Variants in SLC7A10 observed in about 807,000 individuals in gnomAD.
SLC7A10 encodes solute carrier family 7 member 10.
Under a neutral mutation model 52.7 loss-of-function variants are expected in SLC7A10, and 30 were observed. The ratio of observed to expected loss-of-function variants is 0.57; its 90% CI spans 0.43 to 0.77. The LOEUF (loss-of-function observed/expected upper bound fraction) is 0.77. SLC7A10 is among the 30% of genes least tolerant of loss of function. SLC7A10 has a pLI of 0.00. For missense variants in SLC7A10, 581 were observed against 698.5 expected (o/e 0.83, Z 1.90); for synonymous variants, 318 against 314.9 (o/e 1.01, Z -0.10).
rs1192520000 is a variant in SLC7A10 at position 33,222,286 on chromosome 19, G to A, written c.151+3267C>T. Among the ~76,000 whole-genome samples, 5 of 151,836 alleles carry A rather than the reference G, an allele frequency of 3.3e-5. No homozygotes were observed. In the East Asian group the frequency reaches 5.8e-4, roughly 18 times the overall value. ...TGGTGGCGGGCACCTGTGGTTCCAG[G>A]TGTTTGGAAGGCTGAGGTGGGAGGA... On this transcript the variant is annotated intron_variant, in intron 1 of 10. Transcript: ENST00000253188.
intron 9 of SLC7A10, 56 bp from the exon 10 acceptor site, chr19:33,209,541 C>A: frequency 1.9e-6 from 3 of 1,575,636 alleles, no homozygotes; most frequent in Non-Finnish European, 1.7e-6. Context: ...TGTCTGTACC[C>A]CCGACCCCTG....
rs557602664 is a variant in SLC7A10, at chr19:33,225,535, C to A, written c.151+18G>T. 2 of 1,595,572 alleles carry A rather than the reference C, an allele frequency of 1.3e-6. No individual in the cohort carries two copies. The highest frequency in any genetic ancestry group is 1.7e-6 in the Non-Finnish European group (2 of 1,178,914). ...ATTCGGCCTCCGCCCGGCGCCCGCC[C>A]GCCTGGGTCCCGCTCACCGATGATG... On this transcript the variant is annotated intron_variant, in intron 1 of 10. Transcript: ENST00000253188.
intron 1 of SLC7A10, among the ~76,000 whole-genome samples, chr19:33,219,591 C>A (rs1281246393): frequency 2.0e-5 from 3 of 152,254 alleles, no homozygotes; most frequent in South Asian, 4.1e-4. Flanking sequence ...GCCCCAGTTT[C>A]CCCATCTGCC....
chr19:33,210,419 G>C lies in SLC7A10; in HGVS notation c.1263+48C>G, dbSNP rs748930071. 3 of 1,542,568 alleles carry C rather than the reference G, an allele frequency of 1.9e-6. No individual in the cohort carries two copies. Among genetic ancestry groups the C allele is most frequent in the Non-Finnish European group, 2.6e-6 (3 of 1,150,022 alleles). On this transcript the variant is annotated intron_variant, in intron 9 of 10. Coordinates refer to ENST00000253188, the MANE Select transcript of SLC7A10 (RefSeq NM_019849.3). The surrounding 1 kb of genome is among the most constrained non-coding windows in gnomAD (Gnocchi z 5.6). ...CCTGGTGCCCACTGTGGATGCAGGG[G>C]TGGCTCTGGCAGCACCCGGCACAGG...
intron 1 of SLC7A10, among the ~76,000 whole-genome samples, chr19:33,222,136 C>T (rs1378918772): frequency 1.3e-5 from 2 of 152,122 alleles, no homozygotes; most frequent in African/African-American, 2.4e-5. Context: ...TGATGGCTCC[C>T]GCCTGTAACC....
Position 33,222,284 on chromosome 19 carries a change from A to G in SLC7A10, c.151+3269T>C, listed in dbSNP as rs573342340. Among the ~76,000 whole-genome samples, 555 of 152,116 alleles carry G rather than the reference A, an allele frequency of 3.6e-3. 7 individuals are homozygous for G. The highest frequency in any genetic ancestry group is 0.027 in the Middle Eastern group (8 of 292). ...TGTGGTGGCGGGCACCTGTGGTTCC[A>G]GGTGTTTGGAAGGCTGAGGTGGGAG... On this transcript the variant is annotated intron_variant, in intron 1 of 10. Transcript: ENST00000253188.
intron 1 of SLC7A10, among the ~76,000 whole-genome samples, chr19:33,218,288 T>C (rs1974732791): frequency 6.6e-6 from 1 of 152,138 alleles, no homozygotes; most frequent in Non-Finnish European, 1.5e-5. Context: ...AAGACTCAGA[T>C]ACTGGGCTTG....
At position 33,210,821 on chromosome 19, in the gene SLC7A10, A is replaced by T; in HGVS notation, c.1094T>A (p.Ile365Asn). The change falls in exon 8 of 11, where the codon ATC becomes AAC. Residue 365 changes from isoleucine (I) to asparagine (N), a missense_variant. By Grantham distance (149) the Ile-to-Asn change is moderately radical. Coordinates refer to ENST00000253188, the MANE Select transcript of SLC7A10 (RefSeq NM_019849.3). The surrounding 1 kb of genome is among the most constrained non-coding windows in gnomAD (Gnocchi z 5.6). ...AMIHVRHCTPIPALLVCCGAT... is the reference protein window; with the variant it reads ...AMIHVRHCTPNPALLVCCGAT... Reference sequence around the variant, plus strand: ...ACTTACACAGACGAGGAGGGCGGGGATGGGGGTGCAGTGTCTGACGTGGAT... The same window carrying T: ...ACTTACACAGACGAGGAGGGCGGGGTTGGGGGTGCAGTGTCTGACGTGGAT... 1 of 1,613,422 alleles carries T rather than the reference A, an allele frequency of 6.2e-7. No homozygotes were observed. The highest frequency in any genetic ancestry group is 8.5e-7 in the Non-Finnish European group (1 of 1,179,992).
At position 33,209,376 on chromosome 19, in the gene SLC7A10, G is replaced by GT. The variant is rs750357075; in HGVS notation, c.1372dup (p.Thr458AsnfsTer71). 8.1e-6 allele frequency: 13 copies of GT among 1,613,974 alleles called. No individual in the cohort carries two copies. The South Asian group carries it at 1.4e-4, about 18-fold the overall frequency. On this transcript the variant is annotated frameshift_variant, in exon 10 of 11. Coordinates refer to ENST00000253188, the MANE Select transcript of SLC7A10 (RefSeq NM_019849.3). LOFTEE classifies it high-confidence loss of function. Reference sequence around the variant, plus strand: ...TCCCAGAAAGAAAATGGGCACCCCCGTAAGGATGATGATGACGCCGACCCC... The same window carrying GT: ...TCCCAGAAAGAAAATGGGCACCCCCGTTAAGGATGATGATGACGCCGACCCC...
At chr19:33,209,810 T>C (rs936166947) in intron 9 of SLC7A10, among the ~76,000 whole-genome samples, 3 of 152,210 alleles carry the variant, frequency 2.0e-5, no homozygotes, top group African/African-American at 4.8e-5. Flanking sequence ...TGAGCACTTC[T>C]CCACTTAAGG....
At chr19:33,209,149 T>G in intron 10 of SLC7A10, 128 bp from the exon 11 acceptor site, 2 of 1,539,006 alleles carry the variant, frequency 1.3e-6, no homozygotes, top group Non-Finnish European at 8.9e-7. Flanking sequence ...TTCTGGAAAC[T>G]TTGGGTACAT....
At chr19:33,213,532 C>G (rs900210323) in intron 2 of SLC7A10, among the ~76,000 whole-genome samples, 3 of 152,190 alleles carry the variant, frequency 2.0e-5, no homozygotes, top group Non-Finnish European at 4.4e-5. Flanking sequence ...TCGTGATCCA[C>G]CCGCCTCGGC....
chr19:33,225,797 C>G lies in SLC7A10; in HGVS notation c.-94G>C, dbSNP rs1306583808. 4 of 1,316,102 alleles carry G rather than the reference C, an allele frequency of 3.0e-6. No homozygotes were observed. The highest frequency in any genetic ancestry group is 3.9e-6 in the Non-Finnish European group (4 of 1,026,862). 81.5% of individuals were successfully genotyped at this position (1,316,102 alleles called of 1,614,324 possible). On this transcript the variant is annotated 5_prime_UTR_variant, in exon 1 of 11. Coordinates refer to ENST00000253188, the MANE Select transcript of SLC7A10 (RefSeq NM_019849.3). ...TCGGTCCGTGAGCTCACGGCCCTCG[C>G]AGCCGGGACAGCGCCCACAGGCGGG...
chr19:33,216,719 C>T (rs746023878), intron 1 of SLC7A10, among the ~76,000 whole-genome samples: 1 of 152,136 alleles, frequency 6.6e-6, no homozygotes, highest in Non-Finnish European at 1.5e-5. Context: ...GAATTACAGG[C>T]ATGAGCCACC....
chr19:33,225,783 G>C lies in SLC7A10; in HGVS notation c.-80C>G, dbSNP rs1307344095. 2.2e-6 allele frequency: 3 copies of C among 1,380,554 alleles called. No individual in the cohort carries two copies. Among genetic ancestry groups the C allele is most frequent in the Non-Finnish European group, 2.8e-6 (3 of 1,067,094 alleles). The allele number at this position is 1,380,554 out of a possible 1,614,324, so 85.5% of individuals were successfully genotyped here. A position where few individuals can be genotyped will look rare whatever the true frequency, so the allele number is the denominator to read the frequency against. ...CGCCCGTCGGTCCGTCGGTCCGTGA[G>C]CTCACGGCCCTCGCAGCCGGGACAG... is the stretch of plus-strand genomic sequence containing the variant. On this transcript the variant is annotated 5_prime_UTR_variant, in exon 1 of 11. Transcript: ENST00000253188.
chr19:33,208,782 CT>C lies in SLC7A10; in HGVS notation c.*108del. ...TTAAACAGGCTTCTGAGAGTCGTATCTTTTTTCTTTTTTTTCCAGAAAAAAA... is the reference window on the plus strand; with the variant it reads ...TTAAACAGGCTTCTGAGAGTCGTATCTTTTTCTTTTTTTTCCAGAAAAAAA... On this transcript the variant is annotated 3_prime_UTR_variant, in exon 11 of 11. Coordinates refer to ENST00000253188, the MANE Select transcript of SLC7A10 (RefSeq NM_019849.3). The surrounding 1 kb of genome is among the most constrained non-coding windows in gnomAD (Gnocchi z 4.7). 6.8e-7 allele frequency: 1 copy of C among 1,478,592 alleles called. No homozygotes were observed. Among genetic ancestry groups the C allele is most frequent in the African/African-American group, 1.4e-5 (1 of 72,072 alleles). 91.6% of individuals were successfully genotyped at this position (1,478,592 alleles called of 1,614,324 possible).
At chr19:33,219,403 G>A (rs1229355706) in intron 1 of SLC7A10, among the ~76,000 whole-genome samples, 1 of 152,226 alleles carries the variant, frequency 6.6e-6, no homozygotes, top group African/African-American at 2.4e-5. Flanking sequence ...TCACAGGGGC[G>A]GCCCACGGAG....
rs144027485 is a variant in SLC7A10, at chr19:33,212,924, G to C, written c.435C>G (p.Tyr145Ter). ...LAVISMTFSN[Y>*]VLQPVFPNCI... ...AGTTGGGGAACACGGGCTGCAGCAC[G>C]TAGTTGGAGAAGGTCATGGAGATGA... The change falls in exon 3 of 11, where the codon TAC (tyrosine) becomes TAG (stop). Residue 145 changes from tyrosine to a stop codon, truncating the protein, a stop_gained. Coordinates refer to ENST00000253188, the MANE Select transcript of SLC7A10 (RefSeq NM_019849.3). LOFTEE classifies it high-confidence loss of function. 1.9e-6 allele frequency: 3 copies of C among 1,614,210 alleles called. No homozygotes were observed. The highest frequency in any genetic ancestry group is 2.5e-6 in the Non-Finnish European group (3 of 1,180,032).
chr19:33,217,172 C>T (rs573671245), intron 1 of SLC7A10, among the ~76,000 whole-genome samples: 5 of 151,802 alleles, frequency 3.3e-5, no homozygotes, highest in South Asian at 2.1e-4. Context: ...CCACCACACC[C>T]GGCTAATCAA....
Sources: gnomAD v4.1 joint callset for allele counts (sites outside exome capture counted in the v4.1 genomes callset) on GRCh38, gnomAD v4.1.1 for gene constraint, Gnocchi (gnomAD v3.1) non-coding constraint, MANE v1.5 for transcripts, NCBI Gene and HGNC (gene_info 2026-07-23, HGNC 2026-07-21) for gene names.